The following ATXN1 variants were observed in gnomAD, a reference collection of about 807,000 sequenced individuals.
ATXN1 encodes the protein ataxin-1.
Under a neutral mutation model 56.4 loss-of-function variants are expected in ATXN1, and 8 were observed. The observed-to-expected ratio is 0.14, with a 90% CI of 0.08 to 0.26. The LOEUF (loss-of-function observed/expected upper bound fraction) is 0.26. ATXN1 is among the 10% of genes least tolerant of loss of function. ATXN1 has a pLI of 1.00. For missense variants in ATXN1, 987 were observed against 1,106.5 expected (o/e 0.89, Z 1.53); for synonymous variants, 514 against 494.6 (o/e 1.04, Z -0.52).
chr6:16,706,472 C>T (rs907771462), intron 2 of ATXN1, among the ~76,000 whole-genome samples: 1 of 152,110 alleles, frequency 6.6e-6, no homozygotes, highest in Non-Finnish European at 1.5e-5. Flanking sequence ...TGCCTGTAAT[C>T]CCAGCACTTT....
intron 6 of ATXN1, among the ~76,000 whole-genome samples, chr6:16,446,663 T>G (rs1403660858): frequency 1.3e-5 from 2 of 149,576 alleles, no homozygotes; most frequent in Non-Finnish European, 3.0e-5. Context: ...AAATCTAAAG[T>G]TTTTTTTCTA....
chr6:16,523,177 C>T (rs1413947482), intron 4 of ATXN1, among the ~76,000 whole-genome samples: 1 of 152,144 alleles, frequency 6.6e-6, no homozygotes, highest in Non-Finnish European at 1.5e-5. Flanking sequence ...GTTGGGATTA[C>T]AGGTTTGAGC....
chr6:16,582,010 C>T (rs1263836971), intron 4 of ATXN1, among the ~76,000 whole-genome samples: 1 of 152,222 alleles, frequency 6.6e-6, no homozygotes, highest in Non-Finnish European at 1.5e-5. Context: ...ATGATCTTTA[C>T]TGGCCCTAGC....
chr6:16,573,044 C>T (rs1762360271), intron 4 of ATXN1, among the ~76,000 whole-genome samples: 2 of 152,152 alleles, frequency 1.3e-5, no homozygotes, highest in African/African-American at 4.8e-5. Context: ...ATGGCTACTG[C>T]TAGGAACAGA....
chr6:16,684,605 C>T (rs939577892), intron 2 of ATXN1, among the ~76,000 whole-genome samples: 4 of 152,108 alleles, frequency 2.6e-5, no homozygotes, highest in Non-Finnish European at 5.9e-5. Context: ...TGCCAAAGGC[C>T]GCACAACAGT....
chr6:16,540,420 C>T (rs964306935), intron 4 of ATXN1, among the ~76,000 whole-genome samples: 1 of 152,110 alleles, frequency 6.6e-6, no homozygotes, highest in African/African-American at 2.4e-5. Context: ...CCATGTTGGC[C>T]AGGATGGTCT....
At chr6:16,541,366 C>A (rs1311931210) in intron 4 of ATXN1, among the ~76,000 whole-genome samples, 4 of 152,222 alleles carry the variant, frequency 2.6e-5, no homozygotes, top group Non-Finnish European at 2.9e-5. Flanking sequence ...TCCTTCCACC[C>A]CAGCAGAGGG....
chr6:16,435,160 G>C (rs1759363391), intron 6 of ATXN1, among the ~76,000 whole-genome samples: 1 of 152,178 alleles, frequency 6.6e-6, no homozygotes, highest in African/African-American at 2.4e-5. Flanking sequence ...ATGAGGTTTG[G>C]TGGGATGGTG....
At chr6:16,595,953 G>A (rs1451835787) in intron 3 of ATXN1, among the ~76,000 whole-genome samples, 2 of 152,168 alleles carry the variant, frequency 1.3e-5, no homozygotes, top group Admixed American at 6.5e-5. Context: ...AAACAGGAGC[G>A]AGAGACTTTC....
chr6:16,441,046 T>C (rs1313436796), intron 6 of ATXN1, among the ~76,000 whole-genome samples: 2 of 152,108 alleles, frequency 1.3e-5, no homozygotes. Context: ...GTGAGCTATT[T>C]TGAGCACAGC....
At chr6:16,668,174 T>G (rs79368864) in intron 2 of ATXN1, among the ~76,000 whole-genome samples, 1 of 152,054 alleles carries the variant, frequency 6.6e-6, no homozygotes, top group Non-Finnish European at 1.5e-5. Flanking sequence ...CACTGGCATG[T>G]TTTTTTTGTT....
Position 16,720,728 on chromosome 6 carries a change from A to T in ATXN1, c.-615+32505T>A, listed in dbSNP as rs185574035. 3.8e-3 allele frequency among the ~76,000 whole-genome samples: 583 copies of T among 152,308 alleles called. 2 individuals carry two copies. The highest frequency in any genetic ancestry group is 0.014 in the Middle Eastern group (4 of 294). Reference sequence around the variant, plus strand: ...GTCGAGCTAAAGCATGGTATAAAGGAGAGGCCTAAATCCTTTTCCTACCAG... The same window carrying T: ...GTCGAGCTAAAGCATGGTATAAAGGTGAGGCCTAAATCCTTTTCCTACCAG... On this transcript the variant is annotated intron_variant, in intron 2 of 7. Transcript: ENST00000436367.
chr6:16,633,596 C>T (rs1763543259), intron 3 of ATXN1, among the ~76,000 whole-genome samples: 1 of 152,206 alleles, frequency 6.6e-6, no homozygotes. Context: ...CCGCCACCTC[C>T]CCTCCCTGAG....
At chr6:16,520,958 G>T (rs1761275813) in intron 5 of ATXN1, among the ~76,000 whole-genome samples, 1 of 152,176 alleles carries the variant, frequency 6.6e-6, no homozygotes, top group African/African-American at 2.4e-5. Flanking sequence ...AGTTAGGGAA[G>T]AAGACAAAGT....
chr6:16,366,196 AAAC>A, intron 6 of ATXN1, among the ~76,000 whole-genome samples: 1 of 152,318 alleles, frequency 6.6e-6, no homozygotes, highest in African/African-American at 2.4e-5. Context: ...TGCTTGTTAA[AAAC>A]AACAACAATA....
At chr6:16,643,827 G>GA (rs897621893) in intron 3 of ATXN1, among the ~76,000 whole-genome samples, 4 of 150,796 alleles carry the variant, frequency 2.7e-5, no homozygotes, top group Admixed American at 6.6e-5. Flanking sequence ...TTATTAAGAA[G>GA]AAAAAAAAAT....
At chr6:16,342,073 G>A (rs1161905848) in intron 6 of ATXN1, among the ~76,000 whole-genome samples, 12 of 151,352 alleles carry the variant, frequency 7.9e-5, no homozygotes, top group Admixed American at 7.2e-4. Flanking sequence ...TGGTAGAGAC[G>A]GGGTTTTACC....
At chr6:16,571,622 GC>G (rs755363171) in intron 4 of ATXN1, among the ~76,000 whole-genome samples, 1 of 151,686 alleles carries the variant, frequency 6.6e-6, no homozygotes, top group Non-Finnish European at 1.5e-5. Flanking sequence ...CTCCTGAGCA[GC>G]TAGGACTACA....
At chr6:16,637,581 T>C (rs1467494727) in intron 3 of ATXN1, among the ~76,000 whole-genome samples, 1 of 152,194 alleles carries the variant, frequency 6.6e-6, no homozygotes, top group Non-Finnish European at 1.5e-5. Context: ...GTTTCTCCAA[T>C]TAGAGTCACC....
Sources: allele counts gnomAD v4.1 joint callset (sites outside exome capture counted in the v4.1 genomes callset), GRCh38; gene constraint gnomAD v4.1.1; transcripts MANE v1.5; gene names NCBI Gene and HGNC (gene_info 2026-07-23, HGNC 2026-07-21).